The following GALK1 variants were observed in gnomAD, a reference collection of about 807,000 sequenced individuals.
GALK1 encodes galactokinase 1.
GALK1 carries 30 observed loss-of-function variants against 38.6 expected under a neutral mutation model. That is an observed-to-expected ratio of 0.78 (90% CI 0.58 to 1.05). The LOEUF (loss-of-function observed/expected upper bound fraction) is 1.05. Ranked by LOEUF, GALK1 falls within the 50% of genes least tolerant of loss-of-function variation. The pLI, the probability that GALK1 is intolerant of heterozygous loss-of-function variation, is 0.00. For synonymous variants in GALK1, 240 were observed against 233.6 expected (o/e 1.03, Z -0.25); for missense variants, 512 against 540.5 (o/e 0.95, Z 0.52).
intron 1 of GALK1, chr17:75,764,688 G>A: frequency 1.7e-6 from 1 of 586,012 alleles, no homozygotes; most frequent in South Asian, 1.9e-5. Context: ...ACAGTTTAAG[G>A]GGAACATGCT....
At position 75,763,901 on chromosome 17, in the gene GALK1, G is replaced by A. The variant is rs778282318; in HGVS notation, c.351C>T (p.Tyr117=). 1.9e-6 allele frequency: 3 copies of A among 1,613,832 alleles called. No homozygotes were observed. Among genetic ancestry groups the A allele is most frequent in the Middle Eastern group, 1.7e-4 (1 of 6,056 alleles). The change falls in exon 2 of 8, where the codon TAC becomes TAT. Residue 117 remains tyrosine, a synonymous_variant. Coordinates refer to ENST00000588479, the MANE Select transcript of GALK1 (RefSeq NM_000154.2). ...GCTCAGGCCTGGGCCCCATACCTGG[G>A]TAGTACTGAATCACTCCCTTGACAT... The part of the protein sequence containing the change: ...ANYVKGVIQY[Y]PAAPLPGFSA...
chr17:75,759,433 A>AAAAAAG (rs10670567), intron 5 of GALK1, among the ~76,000 whole-genome samples: 11,428 of 149,356 alleles, frequency 0.077, 1,438 homozygotes, highest in African/African-American at 0.26. Flanking sequence ...CTCTCAAAAA[A>AAAAAAG]AAAGAAAGAA....
In GALK1 at chr17:75,764,311, G is replaced by C. The variant is rs768817351; in HGVS notation, c.166-225C>G. 9 of 750,870 alleles carry C rather than the reference G, an allele frequency of 1.2e-5. No individual in the cohort carries two copies. The African/African-American group carries it at 1.5e-4, about 13-fold the overall frequency. 46.5% of individuals were successfully genotyped at this position (750,870 alleles called of 1,614,324 possible). ...GCGGCTGCAGCTGGAGCACAGACCT[G>C]GACTCTGCCCTGAGCTGTGGGGCAA... On this transcript the variant is annotated intron_variant, in intron 1 of 7. Coordinates refer to ENST00000588479, the MANE Select transcript of GALK1 (RefSeq NM_000154.2).
At chr17:75,754,815 G>A (rs149237647), downstream of GALK1, 456 of 1,613,950 alleles carry the variant, frequency 2.8e-4, no homozygotes, top group South Asian at 1.0e-3. Flanking sequence ...CTCCTCCCAC[G>A]GTGAGTGACC....
chr17:75,762,050 C>G (rs990747736), intron 5 of GALK1, among the ~76,000 whole-genome samples: 1 of 152,046 alleles, frequency 6.6e-6, no homozygotes, highest in South Asian at 2.1e-4. Context: ...ATGGGCTGGG[C>G]GCAGTGGCTC....
chr17:75,764,590 G>A (rs763666222), intron 1 of GALK1: 2 of 453,642 alleles, frequency 4.4e-6, no homozygotes, highest in Admixed American at 5.7e-5. Context: ...GGCTGGGCCA[G>A]AAGGCTACGT....
intron 5 of GALK1, among the ~76,000 whole-genome samples, chr17:75,760,680 G>A (rs1308260792): frequency 5.9e-5 from 9 of 152,120 alleles, no homozygotes; most frequent in Admixed American, 5.9e-4. Flanking sequence ...AGAGGCTGAG[G>A]CAGGAGAATT....
chr17:75,760,904 TTAAAAAA>T (rs2143597075), intron 5 of GALK1, among the ~76,000 whole-genome samples: 1 of 151,870 alleles, frequency 6.6e-6, no homozygotes, highest in South Asian at 2.1e-4. Context: ...ACCCATCTCT[TTAAAAAA>T]TAAAAAAGAT....
intron 5 of GALK1, among the ~76,000 whole-genome samples, chr17:75,762,035 G>A (rs769000839): frequency 2.0e-5 from 3 of 151,950 alleles, no homozygotes; most frequent in Admixed American, 1.3e-4. Context: ...AAAAAAACAC[G>A]GCAAATGGGC....
chr17:75,764,402 G>T, intron 1 of GALK1: 1 of 618,526 alleles, frequency 1.6e-6, no homozygotes, highest in South Asian at 1.4e-5. Context: ...TTTTGGGGTG[G>T]CTCTGGACAT....
Position 75,758,021 on chromosome 17 carries a change from C to T in GALK1, c.*35G>A, listed in dbSNP as rs1448263005. ...AGAGCCGTGGGACTGGCCTGCAGGCCCCGCACCCTCACCGTGTGCTGTCCT... is the reference window on the plus strand; with the variant it reads ...AGAGCCGTGGGACTGGCCTGCAGGCTCCGCACCCTCACCGTGTGCTGTCCT... On this transcript the variant is annotated 3_prime_UTR_variant, in exon 8 of 8. Transcript: ENST00000588479. 1.9e-6 allele frequency: 3 copies of T among 1,609,750 alleles called. No homozygotes were observed. Among genetic ancestry groups the T allele is most frequent in the African/African-American group, 2.7e-5 (2 of 74,848 alleles).
chr17:75,753,939 G>A, downstream of GALK1: 1 of 1,277,956 alleles, frequency 7.8e-7, no homozygotes. Context: ...AAGGGCGGCA[G>A]CCTGCCCCGC....
At chr17:75,763,790 C>T (rs1197659907) in intron 2 of GALK1, 107 bp downstream of exon 2, 4 of 1,133,946 alleles carry the variant, frequency 3.5e-6, no homozygotes, top group South Asian at 1.3e-5. Flanking sequence ...GGATGCTCCA[C>T]TCTACAAGCC....
At chr17:75,752,394 A>C (rs1293765145) in intron 8 of GALK1, 1 of 1,469,780 alleles carries the variant, frequency 6.8e-7, no homozygotes, top group African/African-American at 1.4e-5. Flanking sequence ...CAGACCGGGC[A>C]GGGGGGCAGG....
intron 2 of GALK1, 65 bp downstream of exon 2, chr17:75,763,832 C>T: frequency 7.0e-7 from 1 of 1,432,690 alleles, no homozygotes. Flanking sequence ...AATGAATGGG[C>T]TCTGTGGCTG....
At chr17:75,764,166 T>C in intron 1 of GALK1, 80 bp from the exon 2 acceptor site, 2 of 1,270,350 alleles carry the variant, frequency 1.6e-6, no homozygotes, top group Non-Finnish European at 2.2e-6. Flanking sequence ...CCAGCCGAGG[T>C]TCTGATGCCT....
chr17:75,762,712 T>C lies in GALK1; in HGVS notation c.785A>G (p.Glu262Gly), dbSNP rs1188525358. 6.2e-7 allele frequency: 1 copy of C among 1,613,748 alleles called. No individual in the cohort carries two copies. The highest frequency in any genetic ancestry group is 1.1e-5 in the South Asian group (1 of 91,084). The change falls in exon 5 of 8, where the codon GAG (glutamate) becomes GGG (glycine). Residue 262 changes from glutamate to glycine, a missense_variant. Physicochemically the swap from Glu to Gly is moderately conservative, Grantham distance 98. Transcript: ENST00000588479. ...ACCCTGGCAGTTCTCACCCTCTAGCTCTTCCAGTTGTACCTCCCGGAGGCT... is the reference window on the plus strand; with the variant it reads ...ACCCTGGCAGTTCTCACCCTCTAGCCCTTCCAGTTGTACCTCCCGGAGGCT... Reference protein sequence around the residue: ...KESLREVQLEELEAARDLVSK... With the variant: ...KESLREVQLEGLEAARDLVSK...
chr17:75,752,394 AG>A (rs760811670), intron 8 of GALK1: 22 of 1,470,002 alleles, frequency 1.5e-5, no homozygotes, highest in South Asian at 6.7e-5. Flanking sequence ...CAGACCGGGC[AG>A]GGGGGCAGGG....
chr17:75,757,798 T>C, downstream of GALK1: 1 of 665,800 alleles, frequency 1.5e-6, no homozygotes, highest in Non-Finnish European at 2.6e-6. Flanking sequence ...CTGCACTTAA[T>C]AAATGGTTTT....
Sources: allele counts gnomAD v4.1 joint callset (sites outside exome capture counted in the v4.1 genomes callset), GRCh38; gene constraint gnomAD v4.1.1; transcripts MANE v1.5; gene names NCBI Gene and HGNC (gene_info 2026-07-23, HGNC 2026-07-21).